Variants in PIK3AP1 observed in about 807,000 individuals in gnomAD.
PIK3AP1 encodes the protein phosphoinositide 3-kinase adapter protein 1.
A neutral mutation model predicts 88.1 loss-of-function variants in PIK3AP1; 21 were observed. That is an observed-to-expected ratio of 0.24 (90% CI 0.17 to 0.34). PIK3AP1 has a LOEUF of 0.34. Ranked by LOEUF, PIK3AP1 falls within the 10% of genes least tolerant of loss-of-function variation. The probability of loss-of-function intolerance (pLI) is 1.00; values close to 1 mark genes in which losing one functional copy is unlikely to be tolerated. For synonymous variants in PIK3AP1, 398 were observed against 400.0 expected, an observed-to-expected ratio of 1.00 and a Z score of 0.06; for missense variants, 828 against 1,035.7, an observed-to-expected ratio of 0.80 and a Z score of 2.75.
At chr10:96,652,943 T>G in intron 3 of PIK3AP1, 101 bp from the exon 4 acceptor site, 1 of 1,344,190 alleles carries the variant, frequency 7.4e-7, no homozygotes, top group East Asian at 2.3e-5. Flanking sequence ...CTCTACCTAG[T>G]GAGAATCTCT....
At chr10:96,670,910 G>A (rs1244798010) in intron 2 of PIK3AP1, among the ~76,000 whole-genome samples, 1 of 152,206 alleles carries the variant, frequency 6.6e-6, no homozygotes, top group East Asian at 1.9e-4. Flanking sequence ...TAACACAAAC[G>A]AGTGGCTAAC....
chr10:96,625,819 G>A (rs1843147807), intron 10 of PIK3AP1, among the ~76,000 whole-genome samples: 1 of 152,114 alleles, frequency 6.6e-6, no homozygotes, highest in African/African-American at 2.4e-5. Context: ...CTCAATCTCG[G>A]CTCACTGTAA....
intron 12 of PIK3AP1, among the ~76,000 whole-genome samples, chr10:96,618,167 T>C (rs1158934518): frequency 6.6e-6 from 1 of 152,206 alleles, no homozygotes; most frequent in Non-Finnish European, 1.5e-5. Context: ...TCGTCTGCTA[T>C]GCCCAAGAGT....
intron 2 of PIK3AP1, among the ~76,000 whole-genome samples, chr10:96,690,519 A>C (rs754371492): frequency 7.6e-4 from 116 of 152,206 alleles, no homozygotes; most frequent in Non-Finnish European, 1.5e-3. Flanking sequence ...CTTGGCTCCC[A>C]AAGTGCTGGA....
intron 2 of PIK3AP1, among the ~76,000 whole-genome samples, chr10:96,707,047 C>T (rs1394716309): frequency 6.6e-6 from 1 of 152,134 alleles, no homozygotes; most frequent in Non-Finnish European, 1.5e-5. Flanking sequence ...TTTTAATCTC[C>T]CATTAAAGTA....
chr10:96,702,598 A>C (rs2134284628), intron 2 of PIK3AP1, among the ~76,000 whole-genome samples: 1 of 147,284 alleles, frequency 6.8e-6, no homozygotes, highest in Admixed American at 6.9e-5. Context: ...CTAAGACTAG[A>C]CTTTAAGTGT....
chr10:96,700,508 T>C (rs1215356656), intron 2 of PIK3AP1, among the ~76,000 whole-genome samples: 1 of 152,150 alleles, frequency 6.6e-6, no homozygotes, highest in East Asian at 1.9e-4. Flanking sequence ...TTTAGTGACA[T>C]TGGAAGGATT....
At chr10:96,678,039 C>T (rs1690187585) in intron 2 of PIK3AP1, among the ~76,000 whole-genome samples, 1 of 152,142 alleles carries the variant, frequency 6.6e-6, no homozygotes, top group African/African-American at 2.4e-5. Flanking sequence ...TCATGGCTCA[C>T]TGCAGCCTCG....
At chr10:96,634,491 C>T (rs926630082) in intron 8 of PIK3AP1, among the ~76,000 whole-genome samples, 12 of 152,120 alleles carry the variant, frequency 7.9e-5, no homozygotes, top group African/African-American at 2.7e-4. Flanking sequence ...GACCTGGGTC[C>T]GAGCCCTGGC....
intron 2 of PIK3AP1, among the ~76,000 whole-genome samples, chr10:96,674,011 C>G (rs554331300): frequency 3.3e-5 from 5 of 152,134 alleles, no homozygotes; most frequent in Admixed American, 2.0e-4. Context: ...CATCCCTCAC[C>G]GTGAAAGGCT....
At chr10:96,642,528 A>G (rs1033325362) in intron 8 of PIK3AP1, among the ~76,000 whole-genome samples, 4 of 152,126 alleles carry the variant, frequency 2.6e-5, no homozygotes, top group African/African-American at 7.2e-5. Context: ...GAAAAGAAAA[A>G]GAAAAGAAAG....
chr10:96,663,780 A>C (rs1230234688), intron 2 of PIK3AP1, among the ~76,000 whole-genome samples: 2 of 152,182 alleles, frequency 1.3e-5, no homozygotes, highest in African/African-American at 4.8e-5. Context: ...ATAAGAAGAC[A>C]ATTCATAAAA....
At chr10:96,607,687 A>C (rs1849025389) in intron 14 of PIK3AP1, among the ~76,000 whole-genome samples, 1 of 152,180 alleles carries the variant, frequency 6.6e-6, no homozygotes, top group African/African-American at 2.4e-5. Flanking sequence ...TCTTGTTGCC[A>C]TATAAAAGGC....
rs773554213 is a variant in PIK3AP1 at position 96,709,852 on chromosome 10, G to T, written c.145C>A (p.Pro49Thr). 1.7e-5 allele frequency: 27 copies of T among 1,613,972 alleles called. No homozygotes were observed. Among genetic ancestry groups the T allele is most frequent in the Non-Finnish European group, 2.2e-5 (26 of 1,179,992 alleles). ...TCCTCTGCCGAGAAGGAGGCCTCGG[G>T]GCCCAGCCTGTGAGTCAGTATCTTC... is the stretch of plus-strand genomic sequence containing the variant. ...SQKILTHRLG[P>T]EASFSAEDLS... Residue 49 changes from proline (P) to threonine (T), a missense_variant, in exon 2 of 17, where the codon CCC (proline) becomes ACC (threonine). Pro to Thr is a conservative substitution (Grantham distance 38). Around this residue, in one of 3 missense-constraint regions of PIK3AP1, gnomAD observed 610 missense variants for 760.1 expected, o/e 0.80. Transcript: ENST00000339364.
At chr10:96,708,457 C>T (rs1169085418) in intron 2 of PIK3AP1, among the ~76,000 whole-genome samples, 2 of 151,588 alleles carry the variant, frequency 1.3e-5, no homozygotes, top group African/African-American at 4.9e-5. Flanking sequence ...CACCTGCAAT[C>T]CCAGCTACTC....
chr10:96,624,312 T>C (rs1230872625), intron 10 of PIK3AP1, among the ~76,000 whole-genome samples: 2 of 152,206 alleles, frequency 1.3e-5, no homozygotes, highest in East Asian at 3.8e-4. Flanking sequence ...ATCTAAACTT[T>C]GAGACTGTTG....
At chr10:96,654,172 C>G (rs191647873) in intron 3 of PIK3AP1, among the ~76,000 whole-genome samples, 15 of 152,282 alleles carry the variant, frequency 9.9e-5, no homozygotes, top group Admixed American at 2.0e-4. Context: ...TTTTCCCAAA[C>G]CATCGAGCGC....
Position 96,699,168 on chromosome 10 carries a change from G to A in PIK3AP1, c.430+10399C>T, listed in dbSNP as rs371085157. On this transcript the variant is annotated intron_variant, in intron 2 of 16. Coordinates refer to ENST00000339364, the MANE Select transcript of PIK3AP1 (RefSeq NM_152309.3). Reference sequence around the variant, plus strand: ...CACTGCACTCCAGCCTGGGAAACAAGGGCAAAACTCTGTCTCAAAAAAAAA... The same window carrying A: ...CACTGCACTCCAGCCTGGGAAACAAAGGCAAAACTCTGTCTCAAAAAAAAA... Among the ~76,000 whole-genome samples, 3 of 152,228 alleles carry A rather than the reference G, an allele frequency of 2.0e-5. No homozygotes were observed. In the East Asian group the frequency reaches 5.8e-4, roughly 29 times the overall value.
At chr10:96,650,335 T>C (rs1188059251) in intron 6 of PIK3AP1, among the ~76,000 whole-genome samples, 2 of 152,140 alleles carry the variant, frequency 1.3e-5, no homozygotes, top group African/African-American at 4.8e-5. Flanking sequence ...AGTGCAACCA[T>C]GGCATGAAGG....
Sources: allele counts gnomAD v4.1 joint callset (sites outside exome capture counted in the v4.1 genomes callset), GRCh38; gene constraint gnomAD v4.1.1; regional missense constraint gnomAD v4.1.1; transcripts MANE v1.5; gene names NCBI Gene and HGNC (gene_info 2026-07-23, HGNC 2026-07-21).